The following CCDC159 variants were observed in gnomAD, a reference collection of about 807,000 sequenced individuals.
CCDC159 encodes the protein coiled-coil domain-containing protein 159.
Under a neutral mutation model 50.9 loss-of-function variants are expected in CCDC159, and 40 were observed. The observed-to-expected ratio is 0.79, with a 90% CI of 0.61 to 1.02. The LOEUF (loss-of-function observed/expected upper bound fraction) is 1.02. CCDC159 is among the 50% of genes least tolerant of loss of function. CCDC159 has a pLI of 0.00. For missense variants in CCDC159, 356 were observed against 371.5 expected (o/e 0.96, Z 0.34); for synonymous variants, 146 against 138.9 (o/e 1.05, Z -0.36).
At position 11,354,911 on chromosome 19, in the gene CCDC159, A is replaced by C; in HGVS notation, c.*34A>C. Reference sequence around the variant, plus strand: ...GACTGCTCTCCCTGAAGACCCCTCCAGAGAGAAAATAAACTAGCCCAGACC... The same window carrying C: ...GACTGCTCTCCCTGAAGACCCCTCCCGAGAGAAAATAAACTAGCCCAGACC... On this transcript the variant is annotated 3_prime_UTR_variant, in exon 11 of 11. Transcript: ENST00000458408. 1 of 1,612,210 alleles carries C rather than the reference A, an allele frequency of 6.2e-7. No homozygotes were observed. The highest frequency in any genetic ancestry group is 8.5e-7 in the Non-Finnish European group (1 of 1,178,560).
rs755585912 is a variant in CCDC159 at position 11,349,931 on chromosome 19, C to T, written c.56-7C>T. ...CAGCCCTGGCTCACCCTCTTCTCTG[C>T]CCACAGCCAAGACCATTGTGATGAT... On this transcript the variant is annotated splice_region_variant and splice_polypyrimidine_tract_variant and intron_variant, in intron 2 of 10. Transcript: ENST00000458408. 6.2e-7 allele frequency: 1 copy of T among 1,613,554 alleles called. No homozygotes were observed. Among genetic ancestry groups the T allele is most frequent in the African/African-American group, 1.3e-5 (1 of 74,900 alleles).
At chr19:11,354,113 C>G (rs1477450463) in intron 9 of CCDC159, among the ~76,000 whole-genome samples, 3 of 152,188 alleles carry the variant, frequency 2.0e-5, no homozygotes, top group African/African-American at 7.2e-5. Context: ...CACAGTGGCT[C>G]ATGCCTGTAA....
At chr19:11,354,481 C>A in intron 9 of CCDC159, 99 bp from the exon 10 acceptor site, 2 of 1,105,766 alleles carry the variant, frequency 1.8e-6, no homozygotes, top group South Asian at 1.6e-5. Flanking sequence ...AATTGGGGGT[C>A]ATGGTTTAAG....
At position 11,349,992 on chromosome 19, in the gene CCDC159, A is replaced by C; in HGVS notation, c.110A>C (p.Glu37Ala). The change falls in exon 3 of 11, where the codon GAG becomes GCG. Residue 37 changes from glutamate (E) to alanine (A), a missense_variant. By Grantham distance (107) the Glu-to-Ala change is moderately radical (BLOSUM62 -1). Transcript: ENST00000458408. ...DSQKLLRCEL[E>A]SLKSQLQAQT... ...CAGAAGCTCCTGCGATGTGAACTTG[A>C]GTCACTCAAGAGCCAGTTACAGGCC... 1 of 1,613,734 alleles carries C rather than the reference A, an allele frequency of 6.2e-7. No individual in the cohort carries two copies. The highest frequency in any genetic ancestry group is 1.1e-5 in the South Asian group (1 of 91,066).
chr19:11,349,929 T>C lies in CCDC159; in HGVS notation c.56-9T>C, dbSNP rs752162639. 1.5e-5 allele frequency: 25 copies of C among 1,613,736 alleles called. No homozygotes were observed. The East Asian group carries it at 2.5e-4, about 16-fold the overall frequency. ...TACAGCCCTGGCTCACCCTCTTCTC[T>C]GCCCACAGCCAAGACCATTGTGATG... On this transcript the variant is annotated splice_polypyrimidine_tract_variant and intron_variant, in intron 2 of 10. Coordinates refer to ENST00000458408, the MANE Select transcript of CCDC159 (RefSeq NM_001080503.3).
In CCDC159 at chr19:11,354,609, C is replaced by G; in HGVS notation, c.802C>G (p.Pro268Ala). 1 of 1,582,226 alleles carries G rather than the reference C, an allele frequency of 6.3e-7. No homozygotes were observed. The highest frequency in any genetic ancestry group is 8.6e-7 in the Non-Finnish European group (1 of 1,157,734). Residue 268 changes from proline to alanine, a missense_variant, in exon 10 of 11, where the codon CCA becomes GCA. Coordinates refer to ENST00000458408, the MANE Select transcript of CCDC159 (RefSeq NM_001080503.3). ...GHKGHQCLSP[P>A]LPSWDSDSDC... ...CAAGGGGCACCAGTGCCTGAGCCCT[C>G]CACTCCCCTCCTGGGACTCTGACTC...
At chr19:11,347,131 G>A (rs1599375379) in intron 1 of CCDC159, among the ~76,000 whole-genome samples, 2 of 151,938 alleles carry the variant, frequency 1.3e-5, no homozygotes, top group African/African-American at 4.8e-5. Flanking sequence ...CCCTGGAAGT[G>A]AGGACCTCCC....
At chr19:11,351,626 G>A in intron 5 of CCDC159, 1 of 355,858 alleles carries the variant, frequency 2.8e-6, no homozygotes, top group Non-Finnish European at 5.2e-6. Context: ...TGAGAGGACA[G>A]GAGACTGGGG....
intron 1 of CCDC159, among the ~76,000 whole-genome samples, chr19:11,347,855 A>C (rs544329290): frequency 6.6e-6 from 1 of 152,184 alleles, no homozygotes; most frequent in African/African-American, 2.4e-5. Flanking sequence ...GTTGAATGTG[A>C]GACCCAGAGC....
intron 1 of CCDC159, chr19:11,348,191 C>T: frequency 2.2e-6 from 1 of 456,186 alleles, no homozygotes; most frequent in Non-Finnish European, 4.4e-6. Context: ...TCCCTTTTTT[C>T]TTTGGACTCT....
chr19:11,349,077 G>A (rs752762295), intron 1 of CCDC159: 29 of 1,345,836 alleles, frequency 2.2e-5, no homozygotes, highest in Middle Eastern at 2.1e-4. Context: ...GCAGACTGCA[G>A]GCCAGGGTGG....
chr19:11,352,164 G>C, intron 7 of CCDC159, 31 bp downstream of exon 7: 1 of 1,606,322 alleles, frequency 6.2e-7, no homozygotes, highest in South Asian at 1.1e-5. Flanking sequence ...CCCTGGGGAG[G>C]AGTGGGAGAG....
At chr19:11,352,232 T>G (rs1359407982) in intron 7 of CCDC159, 99 bp downstream of exon 7, 2 of 1,197,578 alleles carry the variant, frequency 1.7e-6, no homozygotes, top group Non-Finnish European at 2.4e-6. Context: ...GGTTCAAATC[T>G]CAGCTCTGCC....
rs1967481017 is a variant in CCDC159 at position 11,350,015 on chromosome 19, G to A, written c.133G>A (p.Ala45Thr). ...TGAGTCACTCAAGAGCCAGTTACAG[G>A]CCCAGACCAAGGTGAACCACCTTGG... Reference protein sequence around the residue: ...ELESLKSQLQAQTKAFEFLNH... With the variant: ...ELESLKSQLQTQTKAFEFLNH... Residue 45 changes from alanine to threonine, a missense_variant, in exon 3 of 11, where the codon GCC (alanine) becomes ACC (threonine). By Grantham distance (58) the Ala-to-Thr change is moderately conservative. Transcript: ENST00000458408. 1 of 1,613,638 alleles carries A rather than the reference G, an allele frequency of 6.2e-7. No individual in the cohort carries two copies. Among genetic ancestry groups the A allele is most frequent in the South Asian group, 1.1e-5 (1 of 91,058 alleles).
chr19:11,351,876 G>T (rs2144639194), intron 5 of CCDC159, 30 bp from the exon 6 acceptor site: 1 of 1,564,352 alleles, frequency 6.4e-7, no homozygotes, highest in East Asian at 2.4e-5. Flanking sequence ...CAGGCAGGGA[G>T]TGCAGGTCTA....
chr19:11,354,930 C>A lies in CCDC159; in HGVS notation c.*53C>A. On this transcript the variant is annotated 3_prime_UTR_variant, in exon 11 of 11. Coordinates refer to ENST00000458408, the MANE Select transcript of CCDC159 (RefSeq NM_001080503.3). ...CCCTCCAGAGAGAAAATAAACTAGC[C>A]CAGACCCTCCTCTAGCCCCGACTGT... 2 of 1,584,088 alleles carry A rather than the reference C, an allele frequency of 1.3e-6. No individual in the cohort carries two copies. The highest frequency in any genetic ancestry group is 8.7e-7 in the Non-Finnish European group (1 of 1,152,876).
intron 5 of CCDC159, 102 bp downstream of exon 5, chr19:11,351,105 A>T: frequency 4.7e-5 from 45 of 948,732 alleles, no homozygotes; most frequent in Non-Finnish European, 5.8e-5. Flanking sequence ...TGCCTGGGGG[A>T]GGGGGACTGA....
Position 11,354,720 on chromosome 19 carries a change from C to G in CCDC159, c.889+24C>G, listed in dbSNP as rs368424619. 192 of 1,606,318 alleles carry G rather than the reference C, an allele frequency of 1.2e-4. 1 individual carries two copies. Among genetic ancestry groups the G allele is most frequent in the Non-Finnish European group, 1.5e-4 (172 of 1,176,100 alleles). ...CGGTGCAGATCCTCCCCAGTCCCCC[C>G]CTCCACCCATTTCCCTCCTGACCTG... On this transcript the variant is annotated intron_variant, in intron 10 of 10. Coordinates refer to ENST00000458408, the MANE Select transcript of CCDC159 (RefSeq NM_001080503.3).
intron 1 of CCDC159, chr19:11,348,689 T>A: frequency 2.2e-6 from 1 of 458,094 alleles, no homozygotes; most frequent in Non-Finnish European, 4.4e-6. Context: ...TCAGGGAGGG[T>A]CTGGGGGCAC....
Sources: allele counts gnomAD v4.1 joint callset (sites outside exome capture counted in the v4.1 genomes callset), GRCh38; gene constraint gnomAD v4.1.1; transcripts MANE v1.5; gene names NCBI Gene and HGNC (gene_info 2026-07-23, HGNC 2026-07-21).